The following PCDHA5 variants were observed in gnomAD, a reference collection of about 807,000 sequenced individuals.
PCDHA5 encodes the protein protocadherin alpha 5.
A neutral mutation model predicts 61.6 loss-of-function variants in PCDHA5; 43 were observed. The observed-to-expected ratio is 0.70, with a 90% CI of 0.55 to 0.90. The LOEUF (loss-of-function observed/expected upper bound fraction) is 0.90, where lower values mean the gene tolerates loss of function less well. PCDHA5 is among the 40% of genes least tolerant of loss of function. PCDHA5 has a pLI of 0.00. For missense variants in PCDHA5, 1,298 were observed against 1,222.7 expected (o/e 1.06, Z -0.92); for synonymous variants, 627 against 543.9 (o/e 1.15, Z -2.13).
intron 1 of PCDHA5, among the ~76,000 whole-genome samples, chr5:140,903,429 G>A (rs782504374): frequency 1.3e-5 from 2 of 152,180 alleles, no homozygotes; most frequent in Non-Finnish European, 2.9e-5. Context: ...AGCACAATAT[G>A]TATCAGTGGA....
intron 1 of PCDHA5, chr5:140,967,572 A>G: frequency 6.2e-7 from 1 of 1,613,544 alleles, no homozygotes; most frequent in Non-Finnish European, 8.5e-7. Flanking sequence ...CTACGGGAGG[A>G]CTCACCCCCA....
chr5:140,835,887 C>A (rs1554135389), intron 1 of PCDHA5: 1 of 1,611,780 alleles, frequency 6.2e-7, no homozygotes, highest in South Asian at 1.1e-5. Flanking sequence ...GGTGGGCGAG[C>A]GCGCGCTGTC....
At chr5:140,869,100 TGCGATGTTTGGTTTTCAGAGAAGG>T (rs1554162487) in intron 1 of PCDHA5, 1 of 1,596,924 alleles carries the variant, frequency 6.3e-7, no homozygotes, top group South Asian at 1.1e-5. Flanking sequence ...CAATTTCGTA[TGCGATGTTTGGTTTTCAGAGAAGG>T]GGATTGGGCA....
intron 1 of PCDHA5, chr5:140,851,075 A>C: frequency 7.4e-7 from 1 of 1,344,688 alleles, no homozygotes; most frequent in South Asian, 2.1e-5. Flanking sequence ...GAGAATTATA[A>C]ACTGTATATT....
intron 1 of PCDHA5, among the ~76,000 whole-genome samples, chr5:140,943,086 G>A (rs1384084328): frequency 6.6e-6 from 1 of 151,632 alleles, no homozygotes; most frequent in African/African-American, 2.4e-5. Flanking sequence ...GTGAAATCCT[G>A]CCTCTACTAA....
intron 1 of PCDHA5, chr5:140,860,355 TG>T (rs1218123475): frequency 1.3e-5 from 2 of 152,074 alleles, no homozygotes; most frequent in African/African-American, 2.4e-5. Context: ...CACTCCAGCC[TG>T]GATGACAAAG....
At chr5:140,929,690 C>A in intron 1 of PCDHA5, 1 of 278,482 alleles carries the variant, frequency 3.6e-6, no homozygotes, top group Non-Finnish European at 7.0e-6. Flanking sequence ...TAAGAGTCTG[C>A]TTTATATGAA....
At chr5:140,830,509 A>C (rs1039294822) in intron 1 of PCDHA5, 3 of 1,410,936 alleles carry the variant, frequency 2.1e-6, no homozygotes, top group Non-Finnish European at 2.8e-6. Context: ...CATAATTAAC[A>C]GTTAATTTTT....
intron 3 of PCDHA5, among the ~76,000 whole-genome samples, chr5:140,991,593 C>T (rs2097461164): frequency 6.6e-6 from 1 of 152,196 alleles, no homozygotes; most frequent in South Asian, 2.1e-4. Flanking sequence ...TCTACCTGAG[C>T]CCTCACTGGC....
intron 3 of PCDHA5, among the ~76,000 whole-genome samples, chr5:140,995,529 C>T (rs1191657600): frequency 6.6e-6 from 1 of 152,078 alleles, no homozygotes. Context: ...GAAATCAAAC[C>T]TCAAATAAGG....
In PCDHA5 at chr5:140,858,436, G is replaced by A. The variant is rs781811192; in HGVS notation, c.2352+34309G>A. 9 of 1,542,522 alleles carry A rather than the reference G, an allele frequency of 5.8e-6. 1 individual carries two copies. In the South Asian group the frequency reaches 1.1e-4, roughly 18 times the overall value. ...CTATTGGAGGGGACCACTCTAGGAA[G>A]GTGGGTTATTACGTTTTCATTTTCC... On this transcript the variant is annotated intron_variant, in intron 1 of 3. Coordinates refer to ENST00000529859, the MANE Select transcript of PCDHA5 (RefSeq NM_018908.3).
At chr5:140,848,538 C>G in intron 1 of PCDHA5, 1 of 1,595,318 alleles carries the variant, frequency 6.3e-7, no homozygotes. Flanking sequence ...TCAGCCTCTA[C>G]TGCTCTCGCT....
intron 1 of PCDHA5, among the ~76,000 whole-genome samples, chr5:140,961,952 C>T (rs2095645754): frequency 6.6e-6 from 1 of 151,264 alleles, no homozygotes; most frequent in South Asian, 2.1e-4. Flanking sequence ...GGCATGATCT[C>T]GGCTCACTGC....
At position 141,010,340 on chromosome 5, in the gene PCDHA5, C is replaced by T. The variant is rs1400539624; in HGVS notation, c.*403C>T. 2 of 1,533,798 alleles carry T rather than the reference C, an allele frequency of 1.3e-6. No homozygotes were observed. Among genetic ancestry groups the T allele is most frequent in the Non-Finnish European group, 1.8e-6 (2 of 1,140,544 alleles). On this transcript the variant is annotated 3_prime_UTR_variant, in exon 4 of 4. Coordinates refer to ENST00000529859, the MANE Select transcript of PCDHA5 (RefSeq NM_018908.3). ...TGAGCAGCTTGGGAGTTTGTGGCCA[C>T]TGGGTATGTGTGGCTACCGCGGGTA...
At chr5:140,922,856 T>C (rs2081036799) in intron 1 of PCDHA5, among the ~76,000 whole-genome samples, 1 of 152,072 alleles carries the variant, frequency 6.6e-6, no homozygotes, top group Non-Finnish European at 1.5e-5. Context: ...ACCAAATACA[T>C]AGACAAGGGG....
chr5:140,974,126 T>C (rs1554235851), intron 1 of PCDHA5, among the ~76,000 whole-genome samples: 1 of 152,242 alleles, frequency 6.6e-6, no homozygotes, highest in Non-Finnish European at 1.5e-5. Flanking sequence ...GTGTTTTAAA[T>C]CTGCTAACCT....
chr5:140,870,353 T>C lies in PCDHA5; in HGVS notation c.2352+46226T>C, dbSNP rs782038424. On this transcript the variant is annotated intron_variant, in intron 1 of 3. Transcript: ENST00000529859. ...GACAGCGCCCTGGACCGCGAGAACG[T>C]GTGGGCCTATGAACTGGTGGTGACT... is the stretch of plus-strand genomic sequence containing the variant. The C allele has an allele frequency of 3.7e-6, 6 of 1,614,002 alleles. No homozygotes were observed. The Admixed American group carries it at 8.3e-5, about 22-fold the overall frequency.
At chr5:140,967,014 G>T in intron 1 of PCDHA5, 1 of 1,606,958 alleles carries the variant, frequency 6.2e-7, no homozygotes, top group Non-Finnish European at 8.5e-7. Flanking sequence ...AACCATCTGG[G>T]TGCGCCCAGT....
chr5:140,868,742 T>A (rs2050624283), intron 1 of PCDHA5: 2 of 208,154 alleles, frequency 9.6e-6, no homozygotes, highest in Non-Finnish European at 9.7e-6. Flanking sequence ...AGAAATACAA[T>A]GCCATTTCCA....
Sources: gnomAD v4.1 joint callset for allele counts (sites outside exome capture counted in the v4.1 genomes callset) on GRCh38, gnomAD v4.1.1 for gene constraint, MANE v1.5 for transcripts, NCBI Gene and HGNC (gene_info 2026-07-23, HGNC 2026-07-21) for gene names.